The following SSBP3 variants were observed in gnomAD, a reference collection of about 807,000 sequenced individuals.
The protein encoded by SSBP3 is single-stranded DNA-binding protein 3.
A neutral mutation model predicts 69.6 loss-of-function variants in SSBP3; 5 were observed. That is an observed-to-expected ratio of 0.07 (90% CI 0.04 to 0.15). The LOEUF is 0.15. Among genes scored for constraint, SSBP3 ranks in the 10% least tolerant of loss-of-function variants. The pLI is 1.00. For synonymous variants in SSBP3, 196 were observed against 193.4 expected (o/e 1.01, Z -0.11); for missense variants, 312 against 534.0 (o/e 0.58, Z 4.10).
At chr1:54,338,251 G>A (rs1388528052) in intron 4 of SSBP3, among the ~76,000 whole-genome samples, 1 of 152,218 alleles carries the variant, frequency 6.6e-6, no homozygotes, top group Non-Finnish European at 1.5e-5. Context: ...CCTACGGCAG[G>A]GCGGGCTGAT....
intron 4 of SSBP3, among the ~76,000 whole-genome samples, chr1:54,293,899 G>C (rs1442883892): frequency 6.6e-6 from 1 of 152,160 alleles, no homozygotes; most frequent in Non-Finnish European, 1.5e-5. Flanking sequence ...CACTCTGGGA[G>C]GCTGAGGCGG....
At chr1:54,313,077 A>C (rs1646032952) in intron 4 of SSBP3, among the ~76,000 whole-genome samples, 1 of 150,450 alleles carries the variant, frequency 6.6e-6, no homozygotes, top group Admixed American at 6.6e-5. Context: ...CCGACAAACA[A>C]GCATCTGGGG....
intron 7 of SSBP3, among the ~76,000 whole-genome samples, chr1:54,253,122 G>A (rs1377860230): frequency 2.0e-5 from 3 of 151,796 alleles, no homozygotes; most frequent in Non-Finnish European, 2.9e-5. Flanking sequence ...AGGATTGTGT[G>A]AGGGCATAGG....
chr1:54,363,493 C>T (rs1031101516), intron 4 of SSBP3, among the ~76,000 whole-genome samples: 2 of 152,128 alleles, frequency 1.3e-5, no homozygotes, highest in African/African-American at 4.8e-5. Context: ...ATAAATTAGA[C>T]AAGTCAACAA....
chr1:54,373,390 GT>G (rs1647167430), intron 4 of SSBP3, among the ~76,000 whole-genome samples: 1 of 152,144 alleles, frequency 6.6e-6, no homozygotes, highest in Non-Finnish European at 1.5e-5. Flanking sequence ...GTTGAGAAGG[GT>G]TACACGAATC....
chr1:54,393,184 A>G (rs1214251463), intron 4 of SSBP3, among the ~76,000 whole-genome samples: 1 of 152,232 alleles, frequency 6.6e-6, no homozygotes, highest in African/African-American at 2.4e-5. Context: ...GGCCAGAAGC[A>G]TCTGTGCGTC....
chr1:54,377,268 C>G (rs548020589), intron 4 of SSBP3, among the ~76,000 whole-genome samples: 50 of 152,356 alleles, frequency 3.3e-4, no homozygotes, highest in Non-Finnish European at 4.4e-4. Flanking sequence ...CCTTTCCCCA[C>G]AAGGTCTGCC....
intron 4 of SSBP3, among the ~76,000 whole-genome samples, chr1:54,376,326 A>G (rs1242549243): frequency 6.6e-6 from 1 of 152,090 alleles, no homozygotes; most frequent in Non-Finnish European, 1.5e-5. Flanking sequence ...TTCCACTTTT[A>G]GGCATGTTAC....
intron 5 of SSBP3, among the ~76,000 whole-genome samples, chr1:54,265,241 G>A (rs1645080916): frequency 1.3e-5 from 2 of 152,206 alleles, no homozygotes; most frequent in East Asian, 1.9e-4. Flanking sequence ...TGGCGGAAAC[G>A]TTATTTCTTC....
chr1:54,403,692 ACACACCGTTTTG>A (rs1289714123), intron 3 of SSBP3, among the ~76,000 whole-genome samples: 2 of 152,230 alleles, frequency 1.3e-5, no homozygotes, highest in African/African-American at 4.8e-5. Context: ...AGGAGACAGG[ACACACCGTTTTG>A]CTGAACTCCA....
intron 4 of SSBP3, among the ~76,000 whole-genome samples, chr1:54,297,016 G>T (rs1028268924): frequency 6.6e-6 from 1 of 152,152 alleles, no homozygotes; most frequent in Non-Finnish European, 1.5e-5. Flanking sequence ...TTTTATATCC[G>T]ACCTATCTTG....
chr1:54,263,393 C>G (rs1165643708), intron 5 of SSBP3, among the ~76,000 whole-genome samples: 1 of 152,210 alleles, frequency 6.6e-6, no homozygotes, highest in Non-Finnish European at 1.5e-5. Context: ...ATCCCAGCTC[C>G]TCCGGTTCAT....
At chr1:54,282,068 TAATA>T (rs1165231971) in intron 4 of SSBP3, among the ~76,000 whole-genome samples, 1 of 150,802 alleles carries the variant, frequency 6.6e-6, no homozygotes, top group Non-Finnish European at 1.5e-5. Flanking sequence ...ATAATAATAA[TAATA>T]AAAAAATGGG....
intron 4 of SSBP3, among the ~76,000 whole-genome samples, chr1:54,354,282 G>A (rs1646828231): frequency 6.6e-6 from 1 of 152,212 alleles, no homozygotes; most frequent in Non-Finnish European, 1.5e-5. Flanking sequence ...CCAGGCACCT[G>A]CCACATGCAG....
chr1:54,362,015 T>G (rs1646959330), intron 4 of SSBP3, among the ~76,000 whole-genome samples: 4 of 152,364 alleles, frequency 2.6e-5, no homozygotes, highest in South Asian at 2.1e-4. Context: ...ATTAAAGACC[T>G]GGCAAAGATT....
At chr1:54,305,631 AAAAG>A (rs1405664596) in intron 4 of SSBP3, among the ~76,000 whole-genome samples, 4 of 143,080 alleles carry the variant, frequency 2.8e-5, no homozygotes, top group Non-Finnish European at 4.5e-5. Flanking sequence ...AAAAAAAAAA[AAAAG>A]AGAGAGAGAG....
At chr1:54,232,600 C>CCCACGGTCTCCCTCTCTTT (rs1268967711) in intron 14 of SSBP3, among the ~76,000 whole-genome samples, 1 of 152,248 alleles carries the variant, frequency 6.6e-6, no homozygotes, top group South Asian at 2.1e-4. Flanking sequence ...TCTCCCTCTC[C>CCCACGGTCTCCCTCTCTTT]CCACGGTCTC....
intron 12 of SSBP3, 27 bp downstream of exon 12, chr1:54,241,447 T>C (rs2100649076): frequency 3.1e-6 from 5 of 1,613,750 alleles, no homozygotes; most frequent in African/African-American, 1.3e-5. Context: ...TGGCTAGACA[T>C]GCAATGCCCC....
chr1:54,352,258 G>A (rs1033245013), intron 4 of SSBP3, among the ~76,000 whole-genome samples: 3 of 140,752 alleles, frequency 2.1e-5, no homozygotes, highest in East Asian at 2.2e-4. Context: ...CTAAAACTTC[G>A]GAAGCAGCAC....
Sources: allele counts gnomAD v4.1 joint callset (sites outside exome capture counted in the v4.1 genomes callset), GRCh38; gene constraint gnomAD v4.1.1; transcripts MANE v1.5; gene names NCBI Gene and HGNC (gene_info 2026-07-23, HGNC 2026-07-21).